C13orf46: variants seen among roughly 807,000 people sequenced by gnomAD.
C13orf46 encodes the protein chromosome 13 open reading frame 46.
the C13orf46 span, chr13:113,927,686 G>A: frequency 2.5e-6 from 1 of 398,570 alleles, no homozygotes; most frequent in Non-Finnish European, 4.4e-6. Context: ...GACTAAGTTA[G>A]AAGCTTTGGC....
In C13orf46 at chr13:113,953,986, TGG is replaced by T. The variant is rs2052500898; in HGVS notation, c.*2785_*2786del. On this transcript the variant is annotated 3_prime_UTR_variant, in exon 7 of 7. Coordinates refer to ENST00000636427, the MANE Select transcript of C13orf46 (RefSeq NM_001365455.2). ...TTCTGTGGTGTCTTTCAGTCAAGGGTGGGTGCTGGCTTTGGGGGGTCCCCTTT... is the reference window on the plus strand; with the variant it reads ...TTCTGTGGTGTCTTTCAGTCAAGGGTGTGCTGGCTTTGGGGGGTCCCCTTT... 1 of 152,392 alleles carries T rather than the reference TGG, an allele frequency of 6.6e-6. No homozygotes were observed. Among genetic ancestry groups the T allele is most frequent in the Admixed American group, 6.5e-5 (1 of 15,278 alleles). 9.4% of individuals were successfully genotyped at this position (152,392 alleles called of 1,614,324 possible). A position where few individuals can be genotyped will look rare whatever the true frequency, so the allele number is the denominator to read the frequency against.
chr13:113,960,233 G>A (rs1349276551), intron 6 of C13orf46, among the ~76,000 whole-genome samples: 1 of 149,368 alleles, frequency 6.7e-6, no homozygotes, highest in East Asian at 2.0e-4. Flanking sequence ...TACAGCCTGG[G>A]CGACAGAGCG....
downstream of C13orf46, among the ~76,000 whole-genome samples, chr13:113,952,809 G>A (rs1169528428): frequency 6.6e-6 from 1 of 152,192 alleles, no homozygotes; most frequent in African/African-American, 2.4e-5. Context: ...CCACTCCATC[G>A]ACCCCAGCGC....
At chr13:113,952,077 T>G (rs1177335151), downstream of C13orf46, among the ~76,000 whole-genome samples, 1 of 152,200 alleles carries the variant, frequency 6.6e-6, no homozygotes, top group Non-Finnish European at 1.5e-5. Flanking sequence ...ACCAGAACGT[T>G]GAACTGAGAC....
chr13:113,965,776 G>C (rs1261449643), intron 5 of C13orf46, among the ~76,000 whole-genome samples: 1 of 101,760 alleles, frequency 9.8e-6, no homozygotes, highest in African/African-American at 4.4e-5. Context: ...GATGGTGATG[G>C]TGATGATGGT....
chr13:113,938,291 C>T, the C13orf46 span, among the ~76,000 whole-genome samples: 1 of 152,216 alleles, frequency 6.6e-6, no homozygotes, highest in Non-Finnish European at 1.5e-5. Flanking sequence ...AACCTAGTGG[C>T]TTCCAACAGC....
At chr13:113,960,430 C>T (rs1220734206) in intron 6 of C13orf46, among the ~76,000 whole-genome samples, 19,116 of 152,162 alleles carry the variant, frequency 0.13, 1,647 homozygotes, top group Middle Eastern at 0.2. Flanking sequence ...GTCTACATCT[C>T]AGAAACTCAG....
At chr13:113,945,575 A>AAGAAAGAAAGAAAGAAAGAGAG in the C13orf46 span, among the ~76,000 whole-genome samples, 6 of 89,066 alleles carry the variant, frequency 6.7e-5, no homozygotes, top group African/African-American at 2.5e-4. Flanking sequence ...GAAAGAAAGA[A>AAGAAAGAAAGAAAGAAAGAGAG]AGAGAGAGAG....
intron 4 of C13orf46, among the ~76,000 whole-genome samples, chr13:113,967,971 G>A (rs2052666479): frequency 6.6e-6 from 1 of 152,220 alleles, no homozygotes; most frequent in Non-Finnish European, 1.5e-5. Flanking sequence ...CAAGGGCAGT[G>A]TCTGGGGGTG....
intron 1 of C13orf46, among the ~76,000 whole-genome samples, chr13:113,972,632 A>G (rs947482405): frequency 2.0e-5 from 3 of 152,168 alleles, no homozygotes. Flanking sequence ...GCACACCTGG[A>G]AACATCTCAG....
chr13:113,959,568 G>A (rs2052571534), intron 6 of C13orf46, among the ~76,000 whole-genome samples: 1 of 152,226 alleles, frequency 6.6e-6, no homozygotes, highest in African/African-American at 2.4e-5. Context: ...TTCTAGATGG[G>A]AGGGGTTCAT....
the C13orf46 span, among the ~76,000 whole-genome samples, chr13:113,947,676 T>C: frequency 6.6e-6 from 1 of 152,100 alleles, no homozygotes; most frequent in African/African-American, 2.4e-5. Flanking sequence ...CGGGTGTCCA[T>C]TTCCACCTCC....
At chr13:113,964,467 T>G (rs2052618033) in intron 6 of C13orf46, among the ~76,000 whole-genome samples, 1 of 152,182 alleles carries the variant, frequency 6.6e-6, no homozygotes, top group Admixed American at 6.5e-5. Flanking sequence ...GGCCCGAGGC[T>G]TGTTGTGAGA....
chr13:113,945,630 AAGAAAG>A, the C13orf46 span, among the ~76,000 whole-genome samples: 1 of 133,720 alleles, frequency 7.5e-6, no homozygotes, highest in Non-Finnish European at 1.7e-5. Flanking sequence ...GAAAGAAAGA[AAGAAAG>A]AAAGAAAGAA....
At chr13:113,941,681 T>C in the C13orf46 span, among the ~76,000 whole-genome samples, 2 of 152,308 alleles carry the variant, frequency 1.3e-5, no homozygotes, top group South Asian at 2.1e-4. Context: ...GGAGACACAG[T>C]TCCAGCCTCG....
At position 113,954,727 on chromosome 13, in the gene C13orf46, C is replaced by T; in HGVS notation, c.*2046G>A. ...TGTGCCCCAGGGGCCTCTGTCCCCACCCAACAAGCCACTGAGCAAGAGGCC... is the reference window on the plus strand; with the variant it reads ...TGTGCCCCAGGGGCCTCTGTCCCCATCCAACAAGCCACTGAGCAAGAGGCC... On this transcript the variant is annotated 3_prime_UTR_variant, in exon 7 of 7. Transcript: ENST00000636427. The T allele has an allele frequency of 5.9e-6, 1 of 169,966 alleles. No homozygotes were observed. The highest frequency in any genetic ancestry group is 1.3e-5 in the Non-Finnish European group (1 of 79,730). 10.5% of individuals were successfully genotyped at this position (169,966 alleles called of 1,614,324 possible). A position where few individuals can be genotyped will look rare whatever the true frequency, so the allele number is the denominator to read the frequency against.
At chr13:113,967,091 C>T (rs2052657524) in intron 5 of C13orf46, among the ~76,000 whole-genome samples, 1 of 152,174 alleles carries the variant, frequency 6.6e-6, no homozygotes, top group African/African-American at 2.4e-5. Context: ...TTAACCCAGG[C>T]CCCAGAGTCT....
chr13:113,971,619 C>G (rs1397702638), intron 1 of C13orf46, among the ~76,000 whole-genome samples: 1 of 152,348 alleles, frequency 6.6e-6, no homozygotes, highest in East Asian at 1.9e-4. Flanking sequence ...AGACACACCC[C>G]ACTGGTGCCC....
At chr13:113,945,575 A>AAGAAAGAAAGAGAGAG in the C13orf46 span, among the ~76,000 whole-genome samples, 2 of 89,066 alleles carry the variant, frequency 2.2e-5, no homozygotes, top group African/African-American at 8.4e-5. Flanking sequence ...GAAAGAAAGA[A>AAGAAAGAAAGAGAGAG]AGAGAGAGAG....
Sources: allele counts gnomAD v4.1 joint callset (sites outside exome capture counted in the v4.1 genomes callset), GRCh38; gene constraint gnomAD v4.1.1; transcripts MANE v1.5; gene names NCBI Gene and HGNC (gene_info 2026-07-23, HGNC 2026-07-21).